ZNF544: variants seen among roughly 807,000 people sequenced by gnomAD.
ZNF544 encodes the protein zinc finger protein AF020591.
ZNF544 carries 10 observed loss-of-function variants against 13.5 expected under a neutral mutation model. That is an observed-to-expected ratio of 0.74 (90% CI 0.46 to 1.25). ZNF544 has a LOEUF of 1.25. Ranked by LOEUF, ZNF544 falls within the 50% of genes most tolerant of loss-of-function variation. The pLI, the probability that ZNF544 is intolerant of heterozygous loss-of-function variation, is 0.00. For synonymous variants in ZNF544, 323 were observed against 300.5 expected (o/e 1.07, Z -0.77); for missense variants, 896 against 845.6 (o/e 1.06, Z -0.74).
intron 1 of ZNF544, 174 bp from the exon 2 acceptor site, chr19:58,229,293 GA>G (rs2040653925): frequency 1.9e-5 from 1 of 51,542 alleles, no homozygotes; most frequent in Non-Finnish European, 4.5e-5. Context: ...GACTGGGTGG[GA>G]CTGGGTGGGA....
intron 3 of ZNF544, among the ~76,000 whole-genome samples, chr19:58,243,510 C>T (rs909336426): frequency 9.2e-5 from 14 of 151,624 alleles, no homozygotes; most frequent in East Asian, 2.0e-4. Flanking sequence ...CAGCTGAGAC[C>T]GAGGGAGGGC....
chr19:58,246,441 C>G lies in ZNF544; in HGVS notation c.160+14C>G, dbSNP rs767609294. The G allele has an allele frequency of 6.2e-7, 1 of 1,613,686 alleles. No individual in the cohort carries two copies. The highest frequency in any genetic ancestry group is 2.2e-5 in the East Asian group (1 of 44,858). The stretch of plus-strand genomic sequence containing the variant: ...TTGTCTCCCTGGGTAAGTGGCTGTG[C>G]TCATGGAAGGAGGTTCTACCCCTAG... On this transcript the variant is annotated intron_variant, in intron 5 of 6. Coordinates refer to ENST00000687789, the MANE Select transcript of ZNF544 (RefSeq NM_014480.4).
At chr19:58,247,750 T>C (rs1045042577) in intron 6 of ZNF544, 1 of 152,120 alleles carries the variant, frequency 6.6e-6, no homozygotes, top group Non-Finnish European at 1.5e-5. Context: ...CCCAGGCTAA[T>C]AGACTTTATT....
chr19:58,236,985 C>T (rs948669250), intron 3 of ZNF544, among the ~76,000 whole-genome samples: 1 of 151,886 alleles, frequency 6.6e-6, no homozygotes, highest in African/African-American at 2.4e-5. Flanking sequence ...AAGTGATCCA[C>T]ACGCCTCGGC....
chr19:58,268,459 T>C (rs773625394), downstream of ZNF544, among the ~76,000 whole-genome samples: 1 of 151,878 alleles, frequency 6.6e-6, no homozygotes, highest in Non-Finnish European at 1.5e-5. Flanking sequence ...TGCAAAGAAA[T>C]AGCACTCAAA....
intron 3 of ZNF544, among the ~76,000 whole-genome samples, chr19:58,241,183 T>TAATATATATATA (rs1254015931): frequency 2.5e-4 from 8 of 31,454 alleles, no homozygotes; most frequent in East Asian, 1.4e-3. Context: ...ATATATATTT[T>TAATATATATATA]TTTTTTTTTG....
downstream of ZNF544, among the ~76,000 whole-genome samples, chr19:58,264,775 G>A (rs2049636712): frequency 6.6e-6 from 1 of 152,128 alleles, no homozygotes. Flanking sequence ...AGACCGAGCG[G>A]CCAGGCAGAT....
At chr19:58,251,336 T>C (rs1433010594) in intron 6 of ZNF544, 1 of 519,026 alleles carries the variant, frequency 1.9e-6, no homozygotes, top group East Asian at 5.4e-5. Context: ...AAGTCACAGG[T>C]GTAGTGGCTG....
intron 5 of ZNF544, among the ~76,000 whole-genome samples, chr19:58,274,490 T>C (rs1238136212): frequency 6.6e-6 from 1 of 152,160 alleles, no homozygotes; most frequent in South Asian, 2.1e-4. Flanking sequence ...AGGAAAGGGA[T>C]GGAACATATA....
chr19:58,246,446 G>A lies in ZNF544; in HGVS notation c.160+19G>A. 6.2e-7 allele frequency: 1 copy of A among 1,613,736 alleles called. No homozygotes were observed. The highest frequency in any genetic ancestry group is 8.5e-7 in the Non-Finnish European group (1 of 1,179,834). On this transcript the variant is annotated intron_variant, in intron 5 of 6. Transcript: ENST00000687789. ...TCCCTGGGTAAGTGGCTGTGCTCATGGAAGGAGGTTCTACCCCTAGGACTC... is the reference window on the plus strand; with the variant it reads ...TCCCTGGGTAAGTGGCTGTGCTCATAGAAGGAGGTTCTACCCCTAGGACTC...
At chr19:58,232,121 A>C (rs1221800642) in intron 3 of ZNF544, among the ~76,000 whole-genome samples, 1 of 152,100 alleles carries the variant, frequency 6.6e-6, no homozygotes. Flanking sequence ...TAGTTCTCAC[A>C]GTAAATGTGA....
chr19:58,258,469 G>C (rs561525052), intron 6 of ZNF544: 83 of 136,484 alleles, frequency 6.1e-4, no homozygotes, highest in African/African-American at 1.9e-3. Flanking sequence ...AGGGCACCAG[G>C]TGTGAGGGTG....
At chr19:58,232,991 T>C (rs947676417) in intron 3 of ZNF544, among the ~76,000 whole-genome samples, 2 of 147,078 alleles carry the variant, frequency 1.4e-5, no homozygotes, top group Non-Finnish European at 3.0e-5. Flanking sequence ...GACTGGGTAA[T>C]TTATAAAGGA....
chr19:58,267,397 G>A (rs1001949202), downstream of ZNF544, among the ~76,000 whole-genome samples: 1 of 151,328 alleles, frequency 6.6e-6, no homozygotes, highest in Non-Finnish European at 1.5e-5. Flanking sequence ...TAACGTAAAA[G>A]TGAGTCAAGA....
At chr19:58,248,273 C>CTTTTTTTTTTT (rs34774786) in intron 6 of ZNF544, among the ~76,000 whole-genome samples, 12 of 108,538 alleles carry the variant, frequency 1.1e-4, no homozygotes, top group Non-Finnish European at 1.7e-4. Context: ...TTTTTTTTTT[C>CTTTTTTTTTTT]TTTTTTTTTT....
intron 5 of ZNF544, among the ~76,000 whole-genome samples, chr19:58,276,017 C>G (rs1291770972): frequency 1.3e-5 from 2 of 151,946 alleles, no homozygotes; most frequent in Non-Finnish European, 2.9e-5. Context: ...AAAATCCAGT[C>G]TCTACAAAAA....
At chr19:58,273,567 G>A (rs574304887) in intron 5 of ZNF544, among the ~76,000 whole-genome samples, 4 of 151,600 alleles carry the variant, frequency 2.6e-5, no homozygotes, top group African/African-American at 9.7e-5. Flanking sequence ...GCGGGTGTCT[G>A]TAATCCCAGC....
At position 58,262,052 on chromosome 19, in the gene ZNF544, T is replaced by C. The variant is rs775709025; in HGVS notation, c.1446T>C (p.His482=). 6.2e-7 allele frequency: 1 copy of C among 1,609,316 alleles called. No individual in the cohort carries two copies. Among genetic ancestry groups the C allele is most frequent in the Non-Finnish European group, 8.5e-7 (1 of 1,178,878 alleles). ...SFSQSYELVT[H]KRTHTGEKPF... ...GCCAAAGCTATGAGTTAGTTACACATAAAAGAACGCACACTGGAGAAAAAC... is the reference window on the plus strand; with the variant it reads ...GCCAAAGCTATGAGTTAGTTACACACAAAAGAACGCACACTGGAGAAAAAC... The change falls in exon 7 of 7, where the codon CAT becomes CAC. Residue 482 remains histidine, a synonymous_variant. Transcript: ENST00000687789.
chr19:58,259,398 G>A (rs2048398225), intron 6 of ZNF544: 1 of 152,220 alleles, frequency 6.6e-6, no homozygotes, highest in African/African-American at 2.4e-5. Context: ...CACCAGTTAG[G>A]AGTCTGTGTT....
Sources: allele counts gnomAD v4.1 joint callset (sites outside exome capture counted in the v4.1 genomes callset), GRCh38; gene constraint gnomAD v4.1.1; transcripts MANE v1.5; gene names NCBI Gene and HGNC (gene_info 2026-07-23, HGNC 2026-07-21).